Variants in TEX26 observed in about 807,000 individuals in gnomAD.
TEX26 encodes the protein testis-expressed protein 26.
In TEX26, 34 loss-of-function variants were observed where a neutral mutation model predicts 35.3. The observed-to-expected ratio is 0.96, with a 90% CI of 0.73 to 1.28. TEX26 has a LOEUF of 1.28. Ranked by LOEUF, TEX26 falls within the 50% of genes most tolerant of loss-of-function variation. TEX26 has a pLI of 0.00. For missense variants in TEX26, 371 were observed against 330.1 expected, an observed-to-expected ratio of 1.12 and a Z score of -0.96; for synonymous variants, 136 against 111.8, an observed-to-expected ratio of 1.22 and a Z score of -1.36.
intron 1 of TEX26, among the ~76,000 whole-genome samples, chr13:30,935,645 G>T (rs1953245908): frequency 6.6e-6 from 1 of 152,222 alleles, no homozygotes; most frequent in East Asian, 1.9e-4. Context: ...GAGCTTCAGA[G>T]ACCTGCAGAG....
In TEX26 at chr13:30,969,006, C is replaced by T. The variant is rs1301339010; in HGVS notation, c.768C>T (p.Ser256=). The T allele has an allele frequency of 1.9e-6, 3 of 1,614,044 alleles. No homozygotes were observed. The highest frequency in any genetic ancestry group is 2.5e-6 in the Non-Finnish European group (3 of 1,179,954). The part of the protein sequence containing the change: ...DFLMLLNSFT[S]SQVKEYLQSL... ...TAATGCTTTTAAACTCATTTACTTC[C>T]TCTCAAGTCAAAGAGTACCTTCAGA... Residue 256 remains serine (S), a synonymous_variant, in exon 6 of 7, where the codon TCC becomes TCT. Transcript: ENST00000380473.
chr13:30,959,510 A>G (rs1187920427), intron 4 of TEX26, among the ~76,000 whole-genome samples: 1 of 152,206 alleles, frequency 6.6e-6, no homozygotes, highest in Non-Finnish European at 1.5e-5. Flanking sequence ...GCTAGTGTAT[A>G]TATTATGATA....
chr13:30,944,088 CT>C (rs1953612927), intron 2 of TEX26, among the ~76,000 whole-genome samples: 1 of 151,670 alleles, frequency 6.6e-6, no homozygotes, highest in African/African-American at 2.4e-5. Context: ...CTGGCCCTGG[CT>C]TTTTTTGAAG....
chr13:30,974,946 A>C lies in TEX26; in HGVS notation c.*39A>C. ...TACAAATGAAGAAAATCTGAAAATC[A>C]ATGGAAGCACGAGGACATTCCTAGT... On this transcript the variant is annotated 3_prime_UTR_variant, in exon 7 of 7. Transcript: ENST00000380473. The C allele has an allele frequency of 2.2e-6, 3 of 1,389,850 alleles. No individual in the cohort carries two copies. The highest frequency in any genetic ancestry group is 2.0e-6 in the Non-Finnish European group (2 of 1,019,008). 86.1% of individuals were successfully genotyped at this position (1,389,850 alleles called of 1,614,324 possible).
chr13:30,950,398 A>G (rs1953875926), intron 2 of TEX26, among the ~76,000 whole-genome samples: 1 of 151,978 alleles, frequency 6.6e-6, no homozygotes, highest in African/African-American at 2.4e-5. Flanking sequence ...AAAAGGCAAG[A>G]TTCTGGTTAT....
chr13:30,962,779 A>G (rs1341128862), intron 4 of TEX26, among the ~76,000 whole-genome samples: 3 of 152,066 alleles, frequency 2.0e-5, no homozygotes, highest in Non-Finnish European at 2.9e-5. Flanking sequence ...CCACTTGACT[A>G]TAGGTTATGT....
chr13:30,944,635 C>T (rs1022958057), intron 2 of TEX26, among the ~76,000 whole-genome samples: 2 of 151,808 alleles, frequency 1.3e-5, no homozygotes, highest in Non-Finnish European at 3.0e-5. Flanking sequence ...GTTTTGATAA[C>T]TTGTGTTACT....
intron 2 of TEX26, among the ~76,000 whole-genome samples, chr13:30,951,771 A>G (rs553575538): frequency 6.6e-6 from 1 of 152,298 alleles, no homozygotes; most frequent in Admixed American, 6.5e-5. Flanking sequence ...CACCTTTAAG[A>G]AAACCAATTC....
chr13:30,940,154 A>G (rs1407968311), intron 2 of TEX26, among the ~76,000 whole-genome samples: 1 of 152,014 alleles, frequency 6.6e-6, no homozygotes, highest in Non-Finnish European at 1.5e-5. Context: ...GAATGGATGA[A>G]TAAATACTTG....
chr13:30,952,634 C>T (rs573419112), intron 2 of TEX26, 26 bp from the exon 3 acceptor site: 2 of 1,553,248 alleles, frequency 1.3e-6, no homozygotes, highest in South Asian at 1.3e-5. Flanking sequence ...ACCTCTAACT[C>T]TAATTTCTGC....
chr13:30,968,134 T>A (rs1954600626), intron 5 of TEX26, among the ~76,000 whole-genome samples: 1 of 152,160 alleles, frequency 6.6e-6, no homozygotes. Flanking sequence ...AAAAGGCATA[T>A]AAATTTATTA....
chr13:30,941,962 T>C (rs1953530830), intron 2 of TEX26, among the ~76,000 whole-genome samples: 1 of 152,236 alleles, frequency 6.6e-6, no homozygotes, highest in African/African-American at 2.4e-5. Flanking sequence ...AATTGTGCTG[T>C]GGTAAACATA....
intron 2 of TEX26, among the ~76,000 whole-genome samples, chr13:30,940,685 C>G (rs1419637448): frequency 6.6e-6 from 1 of 152,088 alleles, no homozygotes; most frequent in Non-Finnish European, 1.5e-5. Context: ...GCATAGAGAG[C>G]CTTCAATTAT....
Position 30,956,971 on chromosome 13 carries a change from G to A in TEX26, c.411G>A (p.Lys137=), listed in dbSNP as rs778706079. 5.6e-6 allele frequency: 9 copies of A among 1,614,062 alleles called. No homozygotes were observed. Among genetic ancestry groups the A allele is most frequent in the Non-Finnish European group, 7.6e-6 (9 of 1,180,048 alleles). ...KIPASMKEVN[K]ALSNQFISLT... is the part of the protein sequence containing the mutation. ...CGGCTTCAATGAAAGAAGTTAACAA[G>A]GCACTATCAAATCAGTTTATTTCCC... The change falls in exon 4 of 7, where the codon AAG becomes AAA. Residue 137 remains lysine, a synonymous_variant. Coordinates refer to ENST00000380473, the MANE Select transcript of TEX26 (RefSeq NM_152325.3).
At position 30,968,968 on chromosome 13, in the gene TEX26, T is replaced by A. The variant is rs1199435881; in HGVS notation, c.730T>A (p.Tyr244Asn). 6.8e-6 allele frequency: 11 copies of A among 1,613,932 alleles called. No homozygotes were observed. Among genetic ancestry groups the A allele is most frequent in the African/African-American group, 2.7e-5 (2 of 74,922 alleles). The change falls in exon 6 of 7, where the codon TAC (tyrosine) becomes AAC (asparagine). Residue 244 changes from tyrosine (Y) to asparagine (N), a missense_variant. Physicochemically the swap from Tyr to Asn is moderately radical, Grantham distance 143. Transcript: ENST00000380473. The stretch of plus-strand genomic sequence containing the variant: ...ATACCAAAGTGACTACGACAAAACC[T>A]ACCCAGATTTCTTAATGCTTTTAAA... ...TTYQSDYDKT[Y>N]PDFLMLLNSF...
At chr13:30,934,127 G>T (rs971060386) in intron 1 of TEX26, among the ~76,000 whole-genome samples, 12 of 152,186 alleles carry the variant, frequency 7.9e-5, no homozygotes, top group African/African-American at 2.7e-4. Context: ...AGTTAAGAGG[G>T]TCCTAGCTGC....
At chr13:30,944,404 GC>G (rs1953625470) in intron 2 of TEX26, among the ~76,000 whole-genome samples, 1 of 151,638 alleles carries the variant, frequency 6.6e-6, no homozygotes, top group African/African-American at 2.4e-5. Context: ...CAAAGAACAA[GC>G]TTTTTGTTTC....
At chr13:30,945,926 A>G (rs960203135) in intron 2 of TEX26, among the ~76,000 whole-genome samples, 5 of 151,918 alleles carry the variant, frequency 3.3e-5, no homozygotes, top group African/African-American at 1.2e-4. Context: ...TGATGACTAT[A>G]GGCGTTGGTA....
chr13:30,952,676 A>G lies in TEX26; in HGVS notation c.163A>G (p.Arg55Gly), dbSNP rs756568820. The G allele has an allele frequency of 6.3e-7, 1 of 1,588,378 alleles. No homozygotes were observed. The highest frequency in any genetic ancestry group is 1.2e-5 in the South Asian group (1 of 82,890). Reference protein sequence around the residue: ...PALIRQNGIRRLGYTYSLSDP... With the variant: ...PALIRQNGIRGLGYTYSLSDP... ...TTTTTATAGCCAAAACGGTATCAGA[A>G]GATTAGGATATACATATTCACTTAG... Residue 55 changes from arginine to glycine, a missense_variant, in exon 3 of 7, where the codon AGA becomes GGA. Coordinates refer to ENST00000380473, the MANE Select transcript of TEX26 (RefSeq NM_152325.3).
Sources: allele counts gnomAD v4.1 joint callset (sites outside exome capture counted in the v4.1 genomes callset), GRCh38; gene constraint gnomAD v4.1.1; transcripts MANE v1.5; gene names NCBI Gene and HGNC (gene_info 2026-07-23, HGNC 2026-07-21).